Variants in DHRS3 observed in about 807,000 individuals in gnomAD.
DHRS3 encodes short-chain dehydrogenase/reductase 3.
Under a neutral mutation model 27.2 loss-of-function variants are expected in DHRS3, and 14 were observed. The observed-to-expected ratio is 0.52, with a 90% CI of 0.34 to 0.81. The LOEUF (loss-of-function observed/expected upper bound fraction) is 0.81, where lower values mean the gene tolerates loss of function less well. DHRS3 is among the 30% of genes least tolerant of loss of function. The probability of loss-of-function intolerance (pLI) is 0.01; values close to 1 mark genes in which losing one functional copy is unlikely to be tolerated. For missense variants in DHRS3, 322 were observed against 406.2 expected (o/e 0.79, Z 1.78); for synonymous variants, 165 against 175.9 (o/e 0.94, Z 0.49).
chr1:12,588,011 C>T (rs1305450481), intron 1 of DHRS3, among the ~76,000 whole-genome samples: 1 of 152,244 alleles, frequency 6.6e-6, no homozygotes, highest in Non-Finnish European at 1.5e-5. Context: ...GTGCTCTTGG[C>T]CCTGCATGTG....
Position 12,578,206 on chromosome 1 carries a change from T to C in DHRS3, c.698+512A>G, listed in dbSNP as rs977163433. On this transcript the variant is annotated intron_variant, in intron 4 of 5. Transcript: ENST00000616661. The surrounding 1 kb of genome is among the most constrained non-coding windows in gnomAD (Gnocchi z 4.5). ...CATGCCTGTAGCTCTGGTAGTTTCC[T>C]ATAAGCTCCCTGAACCAAGCAGCAG... 1.3e-5 allele frequency among the ~76,000 whole-genome samples: 2 copies of C among 152,236 alleles called. No homozygotes were observed. The highest frequency in any genetic ancestry group is 1.5e-5 in the Non-Finnish European group (1 of 68,046).
chr1:12,588,549 C>T (rs1319058162), intron 1 of DHRS3, among the ~76,000 whole-genome samples: 1 of 152,198 alleles, frequency 6.6e-6, no homozygotes, highest in Non-Finnish European at 1.5e-5. Context: ...ACACCCCTGC[C>T]TCTCCCATGA....
At chr1:12,582,851 A>G (rs907181486) in intron 1 of DHRS3, among the ~76,000 whole-genome samples, 2 of 148,700 alleles carry the variant, frequency 1.3e-5, no homozygotes, top group African/African-American at 5.0e-5. Flanking sequence ...CCATCCATCC[A>G]TCCATCCATC....
At chr1:12,568,505 A>G in intron 5 of DHRS3, 81 bp from the exon 6 acceptor site, 1 of 1,364,332 alleles carries the variant, frequency 7.3e-7, no homozygotes, top group Middle Eastern at 2.0e-4. Flanking sequence ...GCCATGTGAG[A>G]CGGGGCAGCA....
chr1:12,568,553 G>T, intron 5 of DHRS3, 129 bp from the exon 6 acceptor site: 2 of 800,112 alleles, frequency 2.5e-6, no homozygotes, highest in Non-Finnish European at 4.2e-6. Flanking sequence ...ACACCTCCAA[G>T]CCACACACCA....
intron 1 of DHRS3, among the ~76,000 whole-genome samples, chr1:12,600,814 A>G (rs1477074085): frequency 6.6e-6 from 1 of 152,140 alleles, no homozygotes; most frequent in East Asian, 1.9e-4. Flanking sequence ...ATCACAGTCT[A>G]TCTCTCTATC....
At chr1:12,604,715 A>G (rs1646858143) in intron 1 of DHRS3, among the ~76,000 whole-genome samples, 1 of 152,206 alleles carries the variant, frequency 6.6e-6, no homozygotes, top group Non-Finnish European at 1.5e-5. Flanking sequence ...ATCTGCCCTC[A>G]GCGACGTGTC....
chr1:12,579,218 A>G (rs1028562998), intron 3 of DHRS3, 75 bp downstream of exon 3: 1 of 1,611,012 alleles, frequency 6.2e-7, no homozygotes, highest in Non-Finnish European at 8.5e-7. Context: ...AGCCCTGGCA[A>G]ATCATCCCCT....
chr1:12,568,533 A>T, intron 5 of DHRS3, 109 bp from the exon 6 acceptor site: 1 of 1,022,610 alleles, frequency 9.8e-7, no homozygotes, highest in Non-Finnish European at 1.5e-6. Context: ...GGTTCCTGAA[A>T]GTGCTCCCCA....
chr1:12,569,448 G>A (rs1646516640), intron 5 of DHRS3, among the ~76,000 whole-genome samples: 1 of 151,982 alleles, frequency 6.6e-6, no homozygotes, highest in Non-Finnish European at 1.5e-5. Context: ...CTTTGATACA[G>A]GCATGCAAAT....
At chr1:12,587,536 C>T (rs1646707841) in intron 1 of DHRS3, among the ~76,000 whole-genome samples, 1 of 151,940 alleles carries the variant, frequency 6.6e-6, no homozygotes, top group Admixed American at 6.6e-5. Flanking sequence ...AAAAATATCT[C>T]TAAAGAACAA....
rs58614555 is a variant in DHRS3, at chr1:12,617,520, GAAA to G, written c.-175_-173del. 81 of 131,764 alleles carry G rather than the reference GAAA, an allele frequency of 6.1e-4. No homozygotes were observed. Among genetic ancestry groups the G allele is most frequent in the Middle Eastern group, 6.4e-3 (2 of 314 alleles). The allele number at this position is 131,764 out of a possible 1,614,324, so 8.2% of individuals were successfully genotyped here. On this transcript the variant is annotated 5_prime_UTR_variant, in exon 1 of 6. Coordinates refer to ENST00000616661, the MANE Select transcript of DHRS3 (RefSeq NM_004753.7). ...AATGCAAAGCACCGGGTGAGAAAAA[GAAA>G]AAAAAAAAAAAAAAAAAGATAAATT...
chr1:12,572,742 G>A lies in DHRS3; in HGVS notation c.810C>T (p.Leu270=), dbSNP rs774522092. The change falls in exon 5 of 6, where the codon CTC becomes CTT. Residue 270 remains leucine (L), a synonymous_variant. Transcript: ENST00000616661. ...CAGCCCCATACCTTTTCAAGATAACGAGGGCATGCATTGTCCATGGGAGGA... is the reference window on the plus strand; with the variant it reads ...CAGCCCCATACCTTTTCAAGATAACAAGGGCATGCATTGTCCATGGGAGGA... ...LLLLPWTMHA[L]VILKSILPQA... 2.5e-6 allele frequency: 4 copies of A among 1,606,282 alleles called. No individual in the cohort carries two copies. Among genetic ancestry groups the A allele is most frequent in the Non-Finnish European group, 3.4e-6 (4 of 1,176,500 alleles).
Position 12,617,619 on chromosome 1 carries a change from G to A in DHRS3, c.-271C>T, listed in dbSNP as rs1646954151. ...AGAGGTGGAGGGGGAAGCCGGAGGT[G>A]GAAAGTTCTAACAAGAAGTTTCTTG... On this transcript the variant is annotated 5_prime_UTR_variant, in exon 1 of 6. Coordinates refer to ENST00000616661, the MANE Select transcript of DHRS3 (RefSeq NM_004753.7). The A allele has an allele frequency of 3.1e-6, 1 of 324,184 alleles. No homozygotes were observed. Among genetic ancestry groups the A allele is most frequent in the African/African-American group, 2.2e-5 (1 of 46,436 alleles). 20.1% of individuals were successfully genotyped at this position (324,184 alleles called of 1,614,324 possible).
In DHRS3 at chr1:12,617,614, G is replaced by A. The variant is rs1334214299; in HGVS notation, c.-266C>T. The A allele has an allele frequency of 1.9e-4, 62 of 332,464 alleles. No homozygotes were observed. The highest frequency in any genetic ancestry group is 1.3e-3 in the African/African-American group (59 of 46,428). 20.6% of individuals were successfully genotyped at this position (332,464 alleles called of 1,614,324 possible). A position where few individuals can be genotyped will look rare whatever the true frequency, so the allele number is the denominator to read the frequency against. ...GTAAAAGAGGTGGAGGGGGAAGCCG[G>A]AGGTGGAAAGTTCTAACAAGAAGTT... On this transcript the variant is annotated 5_prime_UTR_variant, in exon 1 of 6. Transcript: ENST00000616661.
At position 12,572,849 on chromosome 1, in the gene DHRS3, G is replaced by A. The variant is rs1187073437; in HGVS notation, c.703C>T (p.Pro235Ser). ...EMFQGMRVRFPNLFPPLKPET... is the reference protein window; with the variant it reads ...EMFQGMRVRFSNLFPPLKPET... ...GGCTTCAGTGGGGGAAAGAGGTTGG[G>A]AAACCTGAACACAGGAAGAGACACA... Residue 235 changes from proline to serine, a missense_variant, in exon 5 of 6, where the codon CCC becomes TCC. By Grantham distance (74) the Pro-to-Ser change is moderately conservative (BLOSUM62 -1). Coordinates refer to ENST00000616661, the MANE Select transcript of DHRS3 (RefSeq NM_004753.7). The A allele has an allele frequency of 1.3e-6, 2 of 1,599,612 alleles. No homozygotes were observed. The highest frequency in any genetic ancestry group is 2.7e-5 in the African/African-American group (2 of 74,696).
chr1:12,601,312 C>T (rs1278481977), intron 1 of DHRS3, among the ~76,000 whole-genome samples: 1 of 152,068 alleles, frequency 6.6e-6, no homozygotes, highest in Non-Finnish European at 1.5e-5. Flanking sequence ...TCAGGCTCAC[C>T]CAGTCACTGC....
intron 4 of DHRS3, among the ~76,000 whole-genome samples, chr1:12,576,677 G>A (rs927554543): frequency 6.6e-6 from 1 of 151,700 alleles, no homozygotes; most frequent in Non-Finnish European, 1.5e-5. Flanking sequence ...AAACCCATGG[G>A]GGAAAAAGCC....
Position 12,578,627 on chromosome 1 carries a change from A to G in DHRS3, c.698+91T>C, listed in dbSNP as rs557317375. Reference sequence around the variant, plus strand: ...AGGCACCGTGCCTAGCCCGATTTTTATATCAGAGCTCTTTCTGCAGTTGGC... The same window carrying G: ...AGGCACCGTGCCTAGCCCGATTTTTGTATCAGAGCTCTTTCTGCAGTTGGC... On this transcript the variant is annotated intron_variant, in intron 4 of 5. Transcript: ENST00000616661. The surrounding 1 kb of genome is among the most constrained non-coding windows in gnomAD (Gnocchi z 4.5). 1.5e-4 allele frequency: 205 copies of G among 1,336,202 alleles called. 7 individuals carry two copies. The South Asian group carries it at 2.1e-3, about 14-fold the overall frequency. The allele number at this position is 1,336,202 out of a possible 1,614,324, so 82.8% of individuals were successfully genotyped here.
Sources: gnomAD v4.1 joint callset for allele counts (sites outside exome capture counted in the v4.1 genomes callset) on GRCh38, gnomAD v4.1.1 for gene constraint, Gnocchi (gnomAD v3.1) non-coding constraint, MANE v1.5 for transcripts, NCBI Gene and HGNC (gene_info 2026-07-23, HGNC 2026-07-21) for gene names.